The following DOHH variants were observed in gnomAD, a reference collection of about 807,000 sequenced individuals.
DOHH encodes HEAT-like (PBS lyase) repeat containing 1.
Under a neutral mutation model 19.9 loss-of-function variants are expected in DOHH, and 16 were observed. The ratio of observed to expected loss-of-function variants is 0.80; its 90% CI spans 0.54 to 1.22. DOHH has a LOEUF of 1.22. DOHH is among the 50% of genes most tolerant of loss of function. The pLI is 0.00. For missense variants in DOHH, 460 were observed against 460.6 expected (o/e 1.00, Z 0.01); for synonymous variants, 233 against 217.0 (o/e 1.07, Z -0.65).
In DOHH at chr19:3,491,972, C is replaced by T. The variant is rs928937966; in HGVS notation, c.590-161G>A. Among the ~76,000 whole-genome samples, 1 of 152,162 alleles carries T rather than the reference C, an allele frequency of 6.6e-6. No individual in the cohort carries two copies. ...AAGTGCTGGGACGACAGGCGTGAGCCACCACGCCCAACCTGGGGTGTTCTA... is the reference window on the plus strand; with the variant it reads ...AAGTGCTGGGACGACAGGCGTGAGCTACCACGCCCAACCTGGGGTGTTCTA... On this transcript the variant is annotated intron_variant, in intron 4 of 4. Transcript: ENST00000427575. This position sits in a 1 kb window ranked among gnomAD's most constrained non-coding sequence, Gnocchi z 5.6.
intron 1 of DOHH, among the ~76,000 whole-genome samples, chr19:3,499,146 G>A (rs1242196622): frequency 6.6e-6 from 1 of 152,166 alleles, no homozygotes; most frequent in Non-Finnish European, 1.5e-5. Flanking sequence ...ATTGGACCAT[G>A]AGAAATAGCA....
In DOHH at chr19:3,491,759, T is replaced by C. The variant is rs1316045986; in HGVS notation, c.642A>G (p.Gly214=). The stretch of plus-strand genomic sequence containing the variant: ...GCACCGCCGCCTCGTGCTGCAGCTG[T>C]CCCAGGACGTAGCCGACCTCGTGGC... The part of the protein sequence containing the change: ...LFRHEVGYVL[G]QLQHEAAVPQ... The change falls in exon 5 of 5, where the codon GGA becomes GGG. Residue 214 remains glycine, a synonymous_variant. Coordinates refer to ENST00000427575, the MANE Select transcript of DOHH (RefSeq NM_001145165.2). This position sits in a 1 kb window ranked among gnomAD's most constrained non-coding sequence, Gnocchi z 5.6. 6.0e-6 allele frequency: 9 copies of C among 1,511,608 alleles called. No homozygotes were observed. Among genetic ancestry groups the C allele is most frequent in the Non-Finnish European group, 7.9e-6 (9 of 1,132,934 alleles). The allele number at this position is 1,511,608 out of a possible 1,614,324, so 93.6% of individuals were successfully genotyped here. A position where few individuals can be genotyped will look rare whatever the true frequency, so the allele number is the denominator to read the frequency against.
intron 2 of DOHH, among the ~76,000 whole-genome samples, chr19:3,495,947 G>A (rs911379430): frequency 1.3e-5 from 2 of 152,094 alleles, no homozygotes; most frequent in Non-Finnish European, 2.9e-5. Context: ...AAAAATCAAA[G>A]GGATAGTACT....
At chr19:3,495,261 G>A (rs1409514859) in intron 2 of DOHH, among the ~76,000 whole-genome samples, 3 of 152,204 alleles carry the variant, frequency 2.0e-5, no homozygotes, top group Non-Finnish European at 4.4e-5. Flanking sequence ...ACAGGCGTGA[G>A]CCAATGCACC....
intron 2 of DOHH, among the ~76,000 whole-genome samples, chr19:3,494,856 T>A (rs1414115480): frequency 1.3e-5 from 2 of 152,338 alleles, no homozygotes; most frequent in African/African-American, 4.8e-5. Context: ...GTCAGGCACC[T>A]CCCACGCGCT....
intron 1 of DOHH, among the ~76,000 whole-genome samples, chr19:3,497,509 C>A (rs2082917781): frequency 1.3e-5 from 2 of 152,218 alleles, no homozygotes; most frequent in African/African-American, 4.8e-5. Context: ...GATGATGCAG[C>A]CCCAGAGCGT....
In DOHH at chr19:3,496,906, GC is replaced by G; in HGVS notation, c.-72-21del. The G allele has an allele frequency of 5.8e-6, 8 of 1,371,550 alleles. No individual in the cohort carries two copies. The highest frequency in any genetic ancestry group is 7.6e-6 in the Non-Finnish European group (8 of 1,056,794). 85.0% of individuals were successfully genotyped at this position (1,371,550 alleles called of 1,614,324 possible). A position where few individuals can be genotyped will look rare whatever the true frequency, so the allele number is the denominator to read the frequency against. On this transcript the variant is annotated intron_variant, in intron 1 of 4. Transcript: ENST00000427575. The surrounding 1 kb of genome is among the most constrained non-coding windows in gnomAD (Gnocchi z 4.8). The stretch of plus-strand genomic sequence containing the variant: ...AAGAACCTGTGGCAGAAAAATGAGA[GC>G]CCAGGTTAGAAGCCCCCTTCACCAG...
chr19:3,496,336 G>A lies in DOHH; in HGVS notation c.274+205C>T, dbSNP rs1248426667. On this transcript the variant is annotated intron_variant, in intron 2 of 4. Coordinates refer to ENST00000427575, the MANE Select transcript of DOHH (RefSeq NM_001145165.2). This position sits in a 1 kb window ranked among gnomAD's most constrained non-coding sequence, Gnocchi z 4.8. The stretch of plus-strand genomic sequence containing the variant: ...CCAGTTGAGGTTGTCTGGGCACACA[G>A]CCTTAGCCATTTGGTGACAGATGAC... Among the ~76,000 whole-genome samples, 1 of 152,216 alleles carries A rather than the reference G, an allele frequency of 6.6e-6. No individual in the cohort carries two copies. The highest frequency in any genetic ancestry group is 1.9e-4 in the East Asian group (1 of 5,196).
chr19:3,493,583 C>A (rs1255406185), intron 3 of DOHH, among the ~76,000 whole-genome samples: 1 of 151,838 alleles, frequency 6.6e-6, no homozygotes, highest in Non-Finnish European at 1.5e-5. Flanking sequence ...TGCACTCCAG[C>A]CTGGGCGACA....
chr19:3,494,439 C>CG (rs34949315), intron 2 of DOHH, among the ~76,000 whole-genome samples: 1 of 152,128 alleles, frequency 6.6e-6, no homozygotes, highest in Non-Finnish European at 1.5e-5. Flanking sequence ...CCCAGGAGGT[C>CG]GGGGGTGCAG....
chr19:3,491,500 G>C lies in DOHH; in HGVS notation c.901C>G (p.Pro301Ala), dbSNP rs1018334369. ...CGGGTGAGGGTGGGGCCCTAGGAGGGGGCCCCGCGCAGCTGCTCCAGGCCG... is the reference window on the plus strand; with the variant it reads ...CGGGTGAGGGTGGGGCCCTAGGAGGCGGCCCCGCGCAGCTGCTCCAGGCCG... ...ADGLEQLRGAPS is the reference protein window; with the variant it reads ...ADGLEQLRGAAS Residue 301 changes from proline (P) to alanine (A), a missense_variant, in exon 5 of 5, where the codon CCC (proline) becomes GCC (alanine). Coordinates refer to ENST00000427575, the MANE Select transcript of DOHH (RefSeq NM_001145165.2). This position sits in a 1 kb window ranked among gnomAD's most constrained non-coding sequence, Gnocchi z 5.6. 5 of 1,533,520 alleles carry C rather than the reference G, an allele frequency of 3.3e-6. No homozygotes were observed. The highest frequency in any genetic ancestry group is 1.7e-4 in the Middle Eastern group (1 of 5,750). 95.0% of individuals were successfully genotyped at this position (1,533,520 alleles called of 1,614,324 possible). A position where few individuals can be genotyped will look rare whatever the true frequency, so the allele number is the denominator to read the frequency against.
In DOHH at chr19:3,494,069, G is replaced by C. The variant is rs1245433261; in HGVS notation, c.310C>G (p.Leu104Val). 6.2e-7 allele frequency: 1 copy of C among 1,613,760 alleles called. No homozygotes were observed. Among genetic ancestry groups the C allele is most frequent in the East Asian group, 2.2e-5 (1 of 44,884 alleles). ...ALGAIGDPEVLEILKQYSSDP... is the reference protein window; with the variant it reads ...ALGAIGDPEVVEILKQYSSDP... ...GAGGAATACTGCTTCAGGATCTCCA[G>C]AACTTCCGGGTCCCCGATGGCCCCC... is the stretch of plus-strand genomic sequence containing the variant. The change falls in exon 3 of 5, where the codon CTG becomes GTG. Residue 104 changes from leucine to valine, a missense_variant. Physicochemically the swap from Leu to Val is conservative, Grantham distance 32. Coordinates refer to ENST00000427575, the MANE Select transcript of DOHH (RefSeq NM_001145165.2).
In DOHH at chr19:3,496,007, G is replaced by T. The variant is rs566915727; in HGVS notation, c.274+534C>A. On this transcript the variant is annotated intron_variant, in intron 2 of 4. Transcript: ENST00000427575. This position sits in a 1 kb window ranked among gnomAD's most constrained non-coding sequence, Gnocchi z 4.8. ...AATTCAAATCTCAGCATTTACAAAT[G>T]AAGTTTGTTTTTTGTTTTTTCACAG... Among the ~76,000 whole-genome samples the T allele has an allele frequency of 7.9e-5, 12 of 152,064 alleles. No homozygotes were observed. The highest frequency in any genetic ancestry group is 1.6e-4 in the Non-Finnish European group (11 of 68,020).
Position 3,491,651 on chromosome 19 carries a change from G to T in DOHH, c.750C>A (p.Ala250=). ...HECAEALGAI[A]RPACLAALQA... ...GCAGCGCGGCCAGGCAGGCGGGCCG[G>T]GCAATGGCGCCCAGGGCCTCCGCGC... Residue 250 remains alanine, a synonymous_variant, in exon 5 of 5, where the codon GCC becomes GCA. Coordinates refer to ENST00000427575, the MANE Select transcript of DOHH (RefSeq NM_001145165.2). The surrounding 1 kb of genome is among the most constrained non-coding windows in gnomAD (Gnocchi z 5.6). The T allele has an allele frequency of 6.5e-7, 1 of 1,535,006 alleles. No homozygotes were observed. The highest frequency in any genetic ancestry group is 1.4e-5 in the African/African-American group (1 of 72,922).
At chr19:3,494,309 T>C (rs1028618845) in intron 2 of DOHH, among the ~76,000 whole-genome samples, 2 of 152,128 alleles carry the variant, frequency 1.3e-5, no homozygotes, top group Admixed American at 1.3e-4. Flanking sequence ...AGGCACTGCC[T>C]GGAACCGCAC....
rs763081482 is a variant in DOHH, at chr19:3,491,748, T to C, written c.653A>G (p.His218Arg). 46 of 1,512,564 alleles carry C rather than the reference T, an allele frequency of 3.0e-5. No homozygotes were observed. The highest frequency in any genetic ancestry group is 5.3e-6 in the Non-Finnish European group (6 of 1,133,268). 93.7% of individuals were successfully genotyped at this position (1,512,564 alleles called of 1,614,324 possible). The part of the protein sequence containing the change: ...EVGYVLGQLQ[H>R]EAAVPQLAAA... ...CGCCAGCTGGGGCACCGCCGCCTCGTGCTGCAGCTGTCCCAGGACGTAGCC... is the reference window on the plus strand; with the variant it reads ...CGCCAGCTGGGGCACCGCCGCCTCGCGCTGCAGCTGTCCCAGGACGTAGCC... Residue 218 changes from histidine (H) to arginine (R), a missense_variant, in exon 5 of 5, where the codon CAC (histidine) becomes CGC (arginine). Physicochemically the swap from His to Arg is conservative, Grantham distance 29. Coordinates refer to ENST00000427575, the MANE Select transcript of DOHH (RefSeq NM_001145165.2). This position sits in a 1 kb window ranked among gnomAD's most constrained non-coding sequence, Gnocchi z 5.6.
rs1442254346 is a variant in DOHH, at chr19:3,491,825, G to A, written c.590-14C>T. On this transcript the variant is annotated splice_polypyrimidine_tract_variant and intron_variant, in intron 4 of 4. Transcript: ENST00000427575. This position sits in a 1 kb window ranked among gnomAD's most constrained non-coding sequence, Gnocchi z 5.6. ...CACAGTGCAGACCTGCAGGGGAGAGGGACACTCGCTGGGGCCAGGAGGGGT... is the reference window on the plus strand; with the variant it reads ...CACAGTGCAGACCTGCAGGGGAGAGAGACACTCGCTGGGGCCAGGAGGGGT... 1 of 1,446,480 alleles carries A rather than the reference G, an allele frequency of 6.9e-7. No homozygotes were observed. The highest frequency in any genetic ancestry group is 9.1e-7 in the Non-Finnish European group (1 of 1,102,724). 89.6% of individuals were successfully genotyped at this position (1,446,480 alleles called of 1,614,324 possible).
At position 3,496,505 on chromosome 19, in the gene DOHH, A is replaced by AG; in HGVS notation, c.274+35dup. 6 of 1,590,168 alleles carry AG rather than the reference A, an allele frequency of 3.8e-6. No individual in the cohort carries two copies. Among genetic ancestry groups the AG allele is most frequent in the Non-Finnish European group, 5.1e-6 (6 of 1,167,348 alleles). On this transcript the variant is annotated intron_variant, in intron 2 of 4. Coordinates refer to ENST00000427575, the MANE Select transcript of DOHH (RefSeq NM_001145165.2). This position sits in a 1 kb window ranked among gnomAD's most constrained non-coding sequence, Gnocchi z 4.8. ...TGGGGTCATGAAGAAGTGAGGCAGG[A>AG]GGGAGCAGGTGCCCGGGACACAGAC...
At chr19:3,498,794 C>A (rs2082928612) in intron 1 of DOHH, among the ~76,000 whole-genome samples, 1 of 152,176 alleles carries the variant, frequency 6.6e-6, no homozygotes. Context: ...CATGATTTAG[C>A]AGGAGACAAG....
Sources: allele counts gnomAD v4.1 joint callset (sites outside exome capture counted in the v4.1 genomes callset), GRCh38; gene constraint gnomAD v4.1.1; non-coding constraint Gnocchi (gnomAD v3.1); transcripts MANE v1.5; gene names NCBI Gene and HGNC (gene_info 2026-07-23, HGNC 2026-07-21).